The following ASTN2 variants were observed in gnomAD, a reference collection of about 807,000 sequenced individuals.
ASTN2 encodes the protein astrotactin-2.
Under a neutral mutation model 139.8 loss-of-function variants are expected in ASTN2, and 54 were observed. The observed-to-expected ratio is 0.39, with a 90% CI of 0.31 to 0.48. The LOEUF (loss-of-function observed/expected upper bound fraction) is 0.48. Among genes scored for constraint, ASTN2 ranks in the 20% least tolerant of loss-of-function variants. The pLI, the probability that ASTN2 is intolerant of heterozygous loss-of-function variation, is 0.95. For missense variants in ASTN2, 1,565 were observed against 1,725.1 expected, an observed-to-expected ratio of 0.91 and a Z score of 1.64; for synonymous variants, 756 against 719.5, an observed-to-expected ratio of 1.05 and a Z score of -0.81.
intron 20 of ASTN2, among the ~76,000 whole-genome samples, chr9:116,471,019 C>A (rs560217421): frequency 2.0e-5 from 3 of 152,190 alleles, no homozygotes; most frequent in South Asian, 2.1e-4. Context: ...CTGGGGTTTC[C>A]TCTCCTTTTT....
At chr9:116,560,857 A>C (rs868770641) in intron 19 of ASTN2, among the ~76,000 whole-genome samples, 2 of 152,212 alleles carry the variant, frequency 1.3e-5, no homozygotes, top group South Asian at 2.1e-4. Context: ...GAGAGGGAAA[A>C]TAGTCAGAAA....
intron 19 of ASTN2, among the ~76,000 whole-genome samples, chr9:116,507,442 G>A (rs545918252): frequency 3.3e-5 from 5 of 152,234 alleles, no homozygotes; most frequent in African/African-American, 1.2e-4. Flanking sequence ...ACTTTCTACT[G>A]AACTAGAAAG....
At chr9:116,433,359 T>C (rs969722661) in intron 22 of ASTN2, among the ~76,000 whole-genome samples, 1 of 152,184 alleles carries the variant, frequency 6.6e-6, no homozygotes. Flanking sequence ...TTAAACATAG[T>C]AGAGATGAAA....
At chr9:116,670,915 G>C (rs1047816283) in intron 16 of ASTN2, among the ~76,000 whole-genome samples, 2 of 152,004 alleles carry the variant, frequency 1.3e-5, no homozygotes, top group Non-Finnish European at 2.9e-5. Flanking sequence ...AAATGTATAT[G>C]ATATTAAAAT....
At chr9:117,021,762 T>A (rs1837888181) in intron 6 of ASTN2, among the ~76,000 whole-genome samples, 1 of 152,092 alleles carries the variant, frequency 6.6e-6, no homozygotes, top group Non-Finnish European at 1.5e-5. Context: ...ATGTGGGAGG[T>A]AATACATGTA....
intron 11 of ASTN2, among the ~76,000 whole-genome samples, chr9:116,839,887 T>TATTATTA (rs1564297225): frequency 1.4e-3 from 125 of 91,436 alleles, no homozygotes; most frequent in African/African-American, 6.4e-3. Flanking sequence ...TATTATTTTT[T>TATTATTA]TTTTTTTAAT....
chr9:116,663,004 T>C (rs1025515597), intron 16 of ASTN2, among the ~76,000 whole-genome samples: 1 of 152,228 alleles, frequency 6.6e-6, no homozygotes, highest in Non-Finnish European at 1.5e-5. Flanking sequence ...GAACGCCTTC[T>C]CTTTCTTGGG....
intron 1 of ASTN2, among the ~76,000 whole-genome samples, chr9:117,315,845 G>C (rs1308602820): frequency 6.6e-6 from 1 of 152,126 alleles, no homozygotes; most frequent in Non-Finnish European, 1.5e-5. Context: ...TTAAGTATTT[G>C]GACATTGAAG....
At chr9:116,502,733 AT>A (rs758993522) in intron 19 of ASTN2, among the ~76,000 whole-genome samples, 18,639 of 42,476 alleles carry the variant, frequency 0.44, 2,376 homozygotes, top group Non-Finnish European at 0.47. Context: ...GAAGGAAGGA[AT>A]GAATGAATGA....
chr9:116,911,861 C>T (rs554033277), intron 10 of ASTN2, among the ~76,000 whole-genome samples: 1 of 152,228 alleles, frequency 6.6e-6, no homozygotes, highest in South Asian at 2.1e-4. Flanking sequence ...CCACTGCACT[C>T]CAGCCTGGGC....
chr9:116,429,818 T>A (rs1847439225), intron 22 of ASTN2, among the ~76,000 whole-genome samples: 1 of 152,174 alleles, frequency 6.6e-6, no homozygotes, highest in South Asian at 2.1e-4. Flanking sequence ...CGTATGCTGT[T>A]CTGGGAATAT....
intron 1 of ASTN2, among the ~76,000 whole-genome samples, chr9:117,363,882 A>T (rs1449028962): frequency 6.6e-6 from 1 of 152,104 alleles, no homozygotes; most frequent in Non-Finnish European, 1.5e-5. Context: ...CTCTTGACCT[A>T]CTAGGATTGT....
At chr9:116,926,911 A>G (rs980208620) in intron 10 of ASTN2, among the ~76,000 whole-genome samples, 10 of 152,342 alleles carry the variant, frequency 6.6e-5, no homozygotes, top group Admixed American at 6.5e-4. Flanking sequence ...GAGGGCCATC[A>G]GGAGATTATT....
At chr9:116,531,212 G>T (rs1225006917) in intron 19 of ASTN2, among the ~76,000 whole-genome samples, 3 of 152,042 alleles carry the variant, frequency 2.0e-5, no homozygotes, top group Non-Finnish European at 4.4e-5. Flanking sequence ...CTTGTCTTCT[G>T]GCCTACTAGG....
intron 19 of ASTN2, among the ~76,000 whole-genome samples, chr9:116,609,339 T>C (rs926974480): frequency 1.0e-4 from 14 of 140,386 alleles, no homozygotes; most frequent in African/African-American, 1.8e-4. Flanking sequence ...TATATATATA[T>C]ACACACACAC....
At chr9:117,294,658 C>T (rs1028811457) in intron 1 of ASTN2, among the ~76,000 whole-genome samples, 8 of 152,206 alleles carry the variant, frequency 5.3e-5, no homozygotes, top group African/African-American at 1.9e-4. Context: ...CCAAATGTCT[C>T]CTTGCCCATG....
At chr9:117,228,750 C>T (rs188570228) in intron 2 of ASTN2, among the ~76,000 whole-genome samples, 1 of 152,230 alleles carries the variant, frequency 6.6e-6, no homozygotes, top group East Asian at 1.9e-4. Flanking sequence ...CTTGGTGGCT[C>T]ATGCCTGTAA....
At chr9:116,825,921 C>T (rs1831610954) in intron 11 of ASTN2, among the ~76,000 whole-genome samples, 2 of 152,184 alleles carry the variant, frequency 1.3e-5, no homozygotes, top group African/African-American at 4.8e-5. Flanking sequence ...CTGCTGCTGC[C>T]CTGTTCTAAA....
intron 4 of ASTN2, among the ~76,000 whole-genome samples, chr9:117,118,085 G>A (rs1372130754): frequency 1.3e-5 from 2 of 152,204 alleles, no homozygotes; most frequent in Admixed American, 6.5e-5. Flanking sequence ...CTCAGTAGCC[G>A]AGACCTAGGA....
Sources: allele counts gnomAD v4.1 joint callset (sites outside exome capture counted in the v4.1 genomes callset), GRCh38; gene constraint gnomAD v4.1.1; transcripts MANE v1.5; gene names NCBI Gene and HGNC (gene_info 2026-07-23, HGNC 2026-07-21).